Variants in FGF12 observed in about 807,000 individuals in gnomAD.
FGF12 encodes the protein fibroblast growth factor 12B.
In FGF12, 14 loss-of-function variants were observed where a neutral mutation model predicts 23.6. That is an observed-to-expected ratio of 0.59 (90% confidence interval 0.39 to 0.93). FGF12 has a LOEUF of 0.93. FGF12 is among the 40% of genes least tolerant of loss of function. The probability of loss-of-function intolerance (pLI) is 0.00; values close to 1 mark genes in which losing one functional copy is unlikely to be tolerated. For synonymous variants in FGF12, 62 were observed against 77.3 expected (o/e 0.80, Z 1.04); for missense variants, 175 against 217.8 (o/e 0.80, Z 1.24).
At chr3:192,555,630 C>CAAAA (rs11289130) in intron 2 of FGF12, among the ~76,000 whole-genome samples, 11 of 84,022 alleles carry the variant, frequency 1.3e-4, no homozygotes, top group African/African-American at 5.3e-4. Flanking sequence ...TAAAAAGTAC[C>CAAAA]AAAAAAAAAA....
At chr3:192,695,045 A>G (rs1718070649) in intron 2 of FGF12, among the ~76,000 whole-genome samples, 1 of 152,146 alleles carries the variant, frequency 6.6e-6, no homozygotes, top group South Asian at 2.1e-4. Context: ...AAAGATAACT[A>G]TGTGAGACGA....
intron 4 of FGF12, among the ~76,000 whole-genome samples, chr3:192,218,111 G>T (rs1553851060): frequency 6.6e-6 from 1 of 152,140 alleles, no homozygotes; most frequent in Non-Finnish European, 1.5e-5. Context: ...GGGATTACAA[G>T]CGTCAGCCAC....
At chr3:192,325,924 G>C (rs937592845) in intron 4 of FGF12, among the ~76,000 whole-genome samples, 23 of 152,084 alleles carry the variant, frequency 1.5e-4, no homozygotes, top group Admixed American at 9.2e-4. Flanking sequence ...AATAGAAACA[G>C]ACTACTCAAA....
At chr3:192,523,018 T>G (rs1724860141) in intron 2 of FGF12, among the ~76,000 whole-genome samples, 4 of 152,248 alleles carry the variant, frequency 2.6e-5, no homozygotes, top group Admixed American at 2.6e-4. Flanking sequence ...ACTTTAAAAA[T>G]GTACCATATG....
chr3:192,288,386 CATA>C (rs1280040390), intron 4 of FGF12, among the ~76,000 whole-genome samples: 4 of 152,040 alleles, frequency 2.6e-5, no homozygotes, highest in Non-Finnish European at 5.9e-5. Flanking sequence ...AAAGACAAAA[CATA>C]GTATCTATTC....
At chr3:192,240,356 TA>T (rs1269468769) in intron 4 of FGF12, among the ~76,000 whole-genome samples, 5 of 152,208 alleles carry the variant, frequency 3.3e-5, no homozygotes, top group Non-Finnish European at 5.9e-5. Context: ...TTTCCCCTGT[TA>T]TTTTTTTTGG....
At chr3:192,473,662 ATC>A (rs1463690834) in intron 2 of FGF12, among the ~76,000 whole-genome samples, 1 of 152,222 alleles carries the variant, frequency 6.6e-6, no homozygotes, top group Non-Finnish European at 1.5e-5. Flanking sequence ...AGGATTATAC[ATC>A]TCTATTTATT....
At chr3:192,427,477 T>C (rs1212600442) in intron 2 of FGF12, among the ~76,000 whole-genome samples, 3 of 152,178 alleles carry the variant, frequency 2.0e-5, no homozygotes, top group Non-Finnish European at 4.4e-5. Flanking sequence ...AGGTTCTCAA[T>C]GAACATAAAA....
intron 4 of FGF12, among the ~76,000 whole-genome samples, chr3:192,272,686 C>T (rs986214507): frequency 6.6e-6 from 1 of 152,122 alleles, no homozygotes; most frequent in African/African-American, 2.4e-5. Context: ...CTCCAACTTG[C>T]TTGATTTTTC....
At chr3:192,355,250 A>G (rs146636736) in intron 3 of FGF12, among the ~76,000 whole-genome samples, 1 of 152,234 alleles carries the variant, frequency 6.6e-6, no homozygotes, top group Non-Finnish European at 1.5e-5. Context: ...AATACCTAAT[A>G]GGAAATTAAG....
chr3:192,554,279 T>C (rs1369100081), intron 2 of FGF12, among the ~76,000 whole-genome samples: 1 of 152,126 alleles, frequency 6.6e-6, no homozygotes, highest in East Asian at 1.9e-4. Context: ...GGTCTGGCTT[T>C]TCAGGGAGCT....
At chr3:192,372,025 CA>C (rs898483538) in intron 2 of FGF12, among the ~76,000 whole-genome samples, 5 of 151,882 alleles carry the variant, frequency 3.3e-5, no homozygotes, top group African/African-American at 1.2e-4. Flanking sequence ...GGCCTCCTGT[CA>C]CAAAAAAAAG....
intron 2 of FGF12, among the ~76,000 whole-genome samples, chr3:192,493,652 A>C (rs1303264485): frequency 6.6e-6 from 1 of 152,130 alleles, no homozygotes; most frequent in East Asian, 1.9e-4. Flanking sequence ...GGAAACTTAC[A>C]ATCACGGCAG....
intron 4 of FGF12, among the ~76,000 whole-genome samples, chr3:192,330,067 T>C (rs1169588390): frequency 4.0e-5 from 6 of 151,714 alleles, no homozygotes; most frequent in Admixed American, 6.6e-5. Context: ...AAAACTTGTA[T>C]ACTGAAAACT....
intron 2 of FGF12, among the ~76,000 whole-genome samples, chr3:192,512,009 T>C (rs1724492564): frequency 6.6e-6 from 1 of 152,194 alleles, no homozygotes. Flanking sequence ...ATCAAAATGC[T>C]TATAATTCCA....
chr3:192,676,197 T>C (rs1717321928), intron 2 of FGF12, among the ~76,000 whole-genome samples: 1 of 152,112 alleles, frequency 6.6e-6, no homozygotes. Context: ...TGGAATCTGT[T>C]GGAGCAACCC....
At chr3:192,291,743 G>A (rs557490496) in intron 4 of FGF12, among the ~76,000 whole-genome samples, 3 of 152,156 alleles carry the variant, frequency 2.0e-5, no homozygotes, top group Non-Finnish European at 2.9e-5. Flanking sequence ...GAAATAAGTA[G>A]GGGAAATAAA....
At chr3:192,706,135 T>C (rs1718461123) in intron 2 of FGF12, among the ~76,000 whole-genome samples, 1 of 152,196 alleles carries the variant, frequency 6.6e-6, no homozygotes, top group Non-Finnish European at 1.5e-5. Context: ...TCCTTTTCAG[T>C]GGTTAAAAGA....
chr3:192,178,048 G>C (rs1386436475), intron 4 of FGF12, among the ~76,000 whole-genome samples: 1 of 152,076 alleles, frequency 6.6e-6, no homozygotes, highest in Non-Finnish European at 1.5e-5. Flanking sequence ...AAATAATTTG[G>C]TGAAAATACA....
Sources: allele counts gnomAD v4.1 joint callset (sites outside exome capture counted in the v4.1 genomes callset), GRCh38; gene constraint gnomAD v4.1.1; transcripts MANE v1.5; gene names NCBI Gene and HGNC (gene_info 2026-07-23, HGNC 2026-07-21).